The following PCDHA10 variants were observed in gnomAD, a reference collection of about 807,000 sequenced individuals.
PCDHA10 encodes protocadherin alpha-10.
A neutral mutation model predicts 61.2 loss-of-function variants in PCDHA10; 45 were observed. The ratio of observed to expected loss-of-function variants is 0.74; its 90% CI spans 0.58 to 0.94. The LOEUF (loss-of-function observed/expected upper bound fraction) is 0.94, where lower values mean the gene tolerates loss of function less well. Ranked by LOEUF, PCDHA10 falls within the 40% of genes least tolerant of loss-of-function variation. The pLI is 0.00. For synonymous variants in PCDHA10, 602 were observed against 548.8 expected, an observed-to-expected ratio of 1.10 and a Z score of -1.35; for missense variants, 1,278 against 1,236.2, an observed-to-expected ratio of 1.03 and a Z score of -0.51.
intron 1 of PCDHA10, chr5:140,871,170 G>A (rs2052777446): frequency 1.2e-6 from 2 of 1,613,536 alleles, no homozygotes; most frequent in Non-Finnish European, 1.7e-6. Context: ...CGAGCCCAGA[G>A]GCTGCGCTGG....
chr5:140,910,577 C>T (rs1425639563), intron 1 of PCDHA10, among the ~76,000 whole-genome samples: 1 of 152,186 alleles, frequency 6.6e-6, no homozygotes, highest in Non-Finnish European at 1.5e-5. Flanking sequence ...TTTCTGGATC[C>T]TCCCAGCTGG....
At chr5:140,913,317 TTGTA>T (rs1269286947) in intron 1 of PCDHA10, among the ~76,000 whole-genome samples, 2 of 152,152 alleles carry the variant, frequency 1.3e-5, no homozygotes, top group African/African-American at 4.8e-5. Flanking sequence ...CCTTGGTAAG[TTGTA>T]TGTGTCTAGG....
Position 140,875,563 on chromosome 5 carries a change from C to T in PCDHA10, c.2388+17127C>T, listed in dbSNP as rs1554167760. The T allele has an allele frequency of 3.1e-6, 5 of 1,614,014 alleles. No homozygotes were observed. The Admixed American group carries it at 8.3e-5, about 27-fold the overall frequency. ...AGCCTGGGAGGTGGGGAGCGGCCAG[C>T]TCCACTACTCCGTCTACGAGGAGGC... On this transcript the variant is annotated intron_variant, in intron 1 of 3. Transcript: ENST00000307360.
chr5:140,941,685 A>G (rs983394705), intron 1 of PCDHA10, among the ~76,000 whole-genome samples: 2 of 151,952 alleles, frequency 1.3e-5, no homozygotes, highest in Non-Finnish European at 2.9e-5. Flanking sequence ...TATTCTGTTT[A>G]CCTCTTTGGG....
chr5:140,870,089 T>C (rs782364525), intron 1 of PCDHA10: 4 of 1,613,796 alleles, frequency 2.5e-6, no homozygotes, highest in Non-Finnish European at 3.4e-6. Flanking sequence ...ACTCCCCCAA[T>C]GGCAGGTCAC....
intron 1 of PCDHA10, chr5:140,883,733 C>G (rs1554179634): frequency 3.1e-6 from 5 of 1,613,458 alleles, no homozygotes; most frequent in African/African-American, 1.3e-5. Flanking sequence ...GGAGAACGCG[C>G]TGGTCTCCTA....
intron 1 of PCDHA10, among the ~76,000 whole-genome samples, chr5:140,937,289 G>A (rs1252675615): frequency 6.6e-5 from 10 of 151,862 alleles, no homozygotes; most frequent in African/African-American, 9.7e-5. Flanking sequence ...CACCCGCTTC[G>A]GCCTCCCAAA....
intron 3 of PCDHA10, among the ~76,000 whole-genome samples, chr5:141,003,897 T>G (rs1554259369): frequency 6.6e-6 from 1 of 152,132 alleles, no homozygotes; most frequent in Non-Finnish European, 1.5e-5. Flanking sequence ...ACAGGCCCAT[T>G]CATTTGGGTC....
At chr5:140,987,316 G>A (rs13153056) in intron 3 of PCDHA10, among the ~76,000 whole-genome samples, 9,624 of 152,218 alleles carry the variant, frequency 0.063, 338 homozygotes, top group East Asian at 0.12. Flanking sequence ...AATGTACTGT[G>A]AAGTTTTAAG....
intron 1 of PCDHA10, chr5:140,876,435 C>A (rs1380633697): frequency 1.9e-6 from 3 of 1,613,852 alleles, no homozygotes; most frequent in Non-Finnish European, 1.7e-6. Context: ...TTCAGGTTAA[C>A]GCCATTGATA....
At chr5:140,966,695 C>A in intron 1 of PCDHA10, 1 of 1,358,486 alleles carries the variant, frequency 7.4e-7, no homozygotes, top group Non-Finnish European at 9.5e-7. Flanking sequence ...AGGCGGGGCC[C>A]GGGCGTGGGG....
At chr5:140,902,257 C>T (rs1450183542) in intron 1 of PCDHA10, among the ~76,000 whole-genome samples, 2 of 140,176 alleles carry the variant, frequency 1.4e-5, no homozygotes, top group South Asian at 2.2e-4. Context: ...AGGCTGGTCT[C>T]GAACTCCTGG....
At chr5:140,986,828 G>C (rs1001117075) in intron 3 of PCDHA10, among the ~76,000 whole-genome samples, 2 of 152,146 alleles carry the variant, frequency 1.3e-5, no homozygotes, top group African/African-American at 2.4e-5. Flanking sequence ...TTTAGACAAT[G>C]GTTCTCAAAG....
Position 140,964,245 on chromosome 5 carries a change from T to C in PCDHA10, c.2389-14704T>C, listed in dbSNP as rs549634734. On this transcript the variant is annotated intron_variant, in intron 1 of 3. Transcript: ENST00000307360. ...TCAAAATGAGGCTGATTGTGTTGGC[T>C]TTATATTTGACTCCTTAATAATTAA... is the stretch of plus-strand genomic sequence containing the variant. Among the ~76,000 whole-genome samples, 6 of 152,346 alleles carry C rather than the reference T, an allele frequency of 3.9e-5. No individual in the cohort carries two copies. In the East Asian group the frequency reaches 1.2e-3, roughly 29 times the overall value.
chr5:140,890,344 A>G (rs1482265903), intron 1 of PCDHA10, among the ~76,000 whole-genome samples: 1 of 152,196 alleles, frequency 6.6e-6, no homozygotes, highest in Admixed American at 6.5e-5. Context: ...GGGATGGTTT[A>G]CTATATAGCA....
Position 140,858,397 on chromosome 5 carries a change from C to A in PCDHA10, c.2349C>A (p.Asp783Glu). The change falls in exon 1 of 4, where the codon GAC (aspartate) becomes GAA (glutamate). Residue 783 changes from aspartate (D) to glutamate (E), a missense_variant. Physicochemically the swap from Asp to Glu is conservative, Grantham distance 45. Transcript: ENST00000307360. ...SLPPCPMVDV[D>E]GEDQSIGGDH... ...CACCATGCCCAATGGTAGATGTGGA[C>A]GGGGAAGATCAGTCTATTGGAGGGG... 1 of 1,573,182 alleles carries A rather than the reference C, an allele frequency of 6.4e-7. No individual in the cohort carries two copies. Among genetic ancestry groups the A allele is most frequent in the Non-Finnish European group, 8.7e-7 (1 of 1,151,792 alleles).
At chr5:140,961,387 C>T (rs1249667395) in intron 1 of PCDHA10, among the ~76,000 whole-genome samples, 1 of 152,148 alleles carries the variant, frequency 6.6e-6, no homozygotes, top group Admixed American at 6.5e-5. Flanking sequence ...TTGAACTATT[C>T]CATTAGTAAA....
intron 1 of PCDHA10, chr5:140,871,329 C>A (rs1164407502): frequency 6.2e-7 from 1 of 1,613,942 alleles, no homozygotes; most frequent in African/African-American, 1.3e-5. Flanking sequence ...TGTGCTCCCG[C>A]GCGGTGGGGA....
intron 1 of PCDHA10, among the ~76,000 whole-genome samples, chr5:140,934,025 A>C (rs190533956): frequency 1.2e-3 from 183 of 152,100 alleles, no homozygotes; most frequent in Non-Finnish European, 2.2e-3. Flanking sequence ...ACTTGGAAGT[A>C]GTTTATTAAT....
Sources: allele counts gnomAD v4.1 joint callset (sites outside exome capture counted in the v4.1 genomes callset), GRCh38; gene constraint gnomAD v4.1.1; transcripts MANE v1.5; gene names NCBI Gene and HGNC (gene_info 2026-07-23, HGNC 2026-07-21).